The following ZMYND8 variants were observed in gnomAD, a reference collection of about 807,000 sequenced individuals.
The protein encoded by ZMYND8 is MYND-type zinc finger-containing chromatin reader ZMYND8.
In ZMYND8, 37 loss-of-function variants were observed where a neutral mutation model predicts 140.8. The observed-to-expected ratio is 0.26, with a 90% CI of 0.20 to 0.35. The LOEUF (loss-of-function observed/expected upper bound fraction) is 0.35, where lower values mean the gene tolerates loss of function less well. Ranked by LOEUF, ZMYND8 falls within the 10% of genes least tolerant of loss-of-function variation. The pLI is 1.00. For synonymous variants in ZMYND8, 592 were observed against 597.1 expected, an observed-to-expected ratio of 0.99 and a Z score of 0.12; for missense variants, 1,068 against 1,570.0, an observed-to-expected ratio of 0.68 and a Z score of 5.40.
rs747526647 is a variant in ZMYND8, at chr20:47,282,146, A to G, written c.954T>C (p.Asp318=). 1 of 1,614,080 alleles carries G rather than the reference A, an allele frequency of 6.2e-7. No individual in the cohort carries two copies. Among genetic ancestry groups the G allele is most frequent in the Non-Finnish European group, 8.5e-7 (1 of 1,179,976 alleles). ...FPFWPAKALR[D]KDGQVDARFF... ...ATCGGGCATCGACCTGCCCGTCTTT[A>G]TCCCTTAGAGCTTTTGCAGGCCAGA... is the stretch of plus-strand genomic sequence containing the variant. Residue 318 remains aspartate (D), a synonymous_variant, in exon 10 of 23, where the codon GAT becomes GAC. Coordinates refer to ENST00000471951, the MANE Select transcript of ZMYND8 (RefSeq NM_001281775.3).
intron 12 of ZMYND8, among the ~76,000 whole-genome samples, chr20:47,259,789 G>A (rs2075022015): frequency 6.6e-6 from 1 of 152,116 alleles, no homozygotes; most frequent in South Asian, 2.1e-4. Context: ...CCTATGCACT[G>A]GGGGATGTTT....
At chr20:47,250,197 G>A (rs1431257515) in intron 12 of ZMYND8, among the ~76,000 whole-genome samples, 1 of 152,146 alleles carries the variant, frequency 6.6e-6, no homozygotes, top group Admixed American at 6.6e-5. Context: ...ACTTCTTCGA[G>A]GGCTCTTTGT....
At chr20:47,263,679 G>A (rs2075307685) in intron 11 of ZMYND8, among the ~76,000 whole-genome samples, 1 of 152,194 alleles carries the variant, frequency 6.6e-6, no homozygotes. Context: ...GCCCTGCTGT[G>A]TAACCCTGGG....
chr20:47,340,674 C>CTG (rs2081783727), intron 2 of ZMYND8, among the ~76,000 whole-genome samples: 1 of 151,956 alleles, frequency 6.6e-6, no homozygotes, highest in African/African-American at 2.4e-5. Context: ...TATGCCCCAG[C>CTG]TACTCAGGAG....
intron 11 of ZMYND8, among the ~76,000 whole-genome samples, chr20:47,267,730 C>T (rs6090651): frequency 6.6e-6 from 1 of 152,208 alleles, no homozygotes; most frequent in Non-Finnish European, 1.5e-5. Context: ...CCTCTCCAAC[C>T]TCAAACCCAA....
intron 11 of ZMYND8, 108 bp from the exon 12 acceptor site, chr20:47,262,536 C>A: frequency 6.9e-7 from 1 of 1,456,836 alleles, no homozygotes. Flanking sequence ...TGTTTGATTT[C>A]AGCAAGGCCG....
intron 3 of ZMYND8, among the ~76,000 whole-genome samples, chr20:47,300,944 G>GT (rs1179485984): frequency 1.7e-4 from 25 of 144,544 alleles, no homozygotes; most frequent in South Asian, 8.9e-4. Context: ...GTTTTGTTTT[G>GT]TTTTTTTTGT....
chr20:47,239,417 C>G (rs1292817864), intron 14 of ZMYND8, among the ~76,000 whole-genome samples: 1 of 152,238 alleles, frequency 6.6e-6, no homozygotes, highest in African/African-American at 2.4e-5. Flanking sequence ...ATGAGGCAAA[C>G]AAGACCCGGC....
chr20:47,222,331 C>A (rs138856125), intron 19 of ZMYND8, among the ~76,000 whole-genome samples: 2,425 of 152,288 alleles, frequency 0.016, 73 homozygotes, highest in African/African-American at 0.055. Flanking sequence ...GTCAGGAGAT[C>A]AAGACCATAC....
In ZMYND8 at chr20:47,229,735, T is replaced by C; in HGVS notation, c.2928A>G (p.Thr976=). 7 of 1,613,480 alleles carry C rather than the reference T, an allele frequency of 4.3e-6. No homozygotes were observed. The highest frequency in any genetic ancestry group is 5.9e-6 in the Non-Finnish European group (7 of 1,179,686). ...ATGTGTCATCTCTGACCTCAGCTAT[T>C]GTGCTTCCAGTAGTGTTTTTAGAAA... ...NDLSKNTTGS[T]IAEIRRLRIE... Residue 976 remains threonine, a synonymous_variant, in exon 17 of 23, where the codon ACA becomes ACG. Transcript: ENST00000471951.
At chr20:47,333,250 G>A (rs1184412687) in intron 2 of ZMYND8, among the ~76,000 whole-genome samples, 1 of 152,018 alleles carries the variant, frequency 6.6e-6, no homozygotes, top group Admixed American at 6.6e-5. Context: ...AGACATAGTG[G>A]TACACTCCTG....
At chr20:47,354,628 C>G (rs75527626) in intron 1 of ZMYND8, 1 of 152,110 alleles carries the variant, frequency 6.6e-6, no homozygotes, top group Non-Finnish European at 1.5e-5. Context: ...AATTCGGTGT[C>G]AGAAAGTGGG....
rs3084684 is a variant in ZMYND8, at chr20:47,350,328, GAAAA to G, written c.15-2406_15-2403del. ...CTGCAGTGTCTATGCATTAAAAGGA[GAAAA>G]AAAAAAAAAAAAAAAAAAAACTTCA... On this transcript the variant is annotated intron_variant, in intron 1 of 22. Transcript: ENST00000471951. 9.6e-5 allele frequency among the ~76,000 whole-genome samples: 9 copies of G among 93,284 alleles called. No homozygotes were observed. The South Asian group carries it at 2.0e-3, about 21-fold the overall frequency. The allele number at this position is 93,284 out of a possible 152,430, so 61.2% of individuals were successfully genotyped here. A position where few individuals can be genotyped will look rare whatever the true frequency, so the allele number is the denominator to read the frequency against.
intron 21 of ZMYND8, among the ~76,000 whole-genome samples, chr20:47,218,350 G>A (rs995626263): frequency 3.3e-5 from 5 of 152,128 alleles, no homozygotes; most frequent in Middle Eastern, 3.2e-3. Flanking sequence ...TGTCTGAAAC[G>A]GTGTTTCCCT....
intron 3 of ZMYND8, among the ~76,000 whole-genome samples, chr20:47,301,147 G>A (rs1001044815): frequency 6.8e-6 from 1 of 147,046 alleles, no homozygotes; most frequent in African/African-American, 2.5e-5. Context: ...AAATGTGATT[G>A]CATAATTCTT....
At chr20:47,239,902 GTT>G (rs987167210) in intron 14 of ZMYND8, among the ~76,000 whole-genome samples, 3 of 152,172 alleles carry the variant, frequency 2.0e-5, no homozygotes, top group African/African-American at 7.2e-5. Flanking sequence ...TCTAAAATGA[GTT>G]TATACTTGCA....
intron 4 of ZMYND8, among the ~76,000 whole-genome samples, chr20:47,296,784 T>G (rs932256499): frequency 2.6e-5 from 4 of 151,668 alleles, no homozygotes; most frequent in Non-Finnish European, 4.4e-5. Context: ...AGCAAGACCC[T>G]GTCTCTACAA....
At chr20:47,295,199 C>A (rs775603805) in intron 4 of ZMYND8, among the ~76,000 whole-genome samples, 1 of 152,052 alleles carries the variant, frequency 6.6e-6, no homozygotes, top group Non-Finnish European at 1.5e-5. Flanking sequence ...TGGAGACCAG[C>A]CTGGCAACAT....
rs58024466 is a variant in ZMYND8 at position 47,334,595 on chromosome 20, G to GAAA, written c.85+13258_85+13260dup. 7.2e-3 allele frequency among the ~76,000 whole-genome samples: 1,000 copies of GAAA among 139,214 alleles called. 15 individuals are homozygous for GAAA. The highest frequency in any genetic ancestry group is 0.027 in the African/African-American group (967 of 36,412). The allele number at this position is 139,214 out of a possible 152,430, so 91.3% of individuals were successfully genotyped here. A position where few individuals can be genotyped will look rare whatever the true frequency, so the allele number is the denominator to read the frequency against. On this transcript the variant is annotated intron_variant, in intron 2 of 22. Transcript: ENST00000471951. ...TGTGCTGTTGGCTGCACAACTCTGT[G>GAAA]AAAAAAAAAAATATATATATATATA... is the stretch of plus-strand genomic sequence containing the variant.
Sources: allele counts gnomAD v4.1 joint callset (sites outside exome capture counted in the v4.1 genomes callset), GRCh38; gene constraint gnomAD v4.1.1; transcripts MANE v1.5; gene names NCBI Gene and HGNC (gene_info 2026-07-23, HGNC 2026-07-21).